MECOM: variants seen among roughly 807,000 people sequenced by gnomAD.
The protein encoded by MECOM is MDS1 and EVI1 complex locus.
In MECOM, 13 loss-of-function variants were observed where a neutral mutation model predicts 116.3. The observed-to-expected ratio is 0.11, with a 90% confidence interval of 0.07 to 0.18. MECOM has a LOEUF of 0.18. MECOM is among the 10% of genes least tolerant of loss of function. MECOM has a pLI of 1.00. For synonymous variants in MECOM, 528 were observed against 535.2 expected, an observed-to-expected ratio of 0.99 and a Z score of 0.19; for missense variants, 1,299 against 1,509.0, an observed-to-expected ratio of 0.86 and a Z score of 2.31.
chr3:169,599,334 T>A (rs936303926), intron 1 of MECOM, among the ~76,000 whole-genome samples: 2 of 151,926 alleles, frequency 1.3e-5, no homozygotes, highest in African/African-American at 4.8e-5. Context: ...GCCAACATGG[T>A]GAAACCCCAT....
At chr3:169,146,218 A>AC (rs397737687) in intron 2 of MECOM, 1 of 1,126,314 alleles carries the variant, frequency 8.9e-7, no homozygotes, top group Non-Finnish European at 1.1e-6. Flanking sequence ...AAAAAAAAAA[A>AC]TCCCCACAAT....
chr3:169,336,753 T>C (rs2149783953), intron 2 of MECOM, among the ~76,000 whole-genome samples: 1 of 152,244 alleles, frequency 6.6e-6, no homozygotes, highest in East Asian at 1.9e-4. Context: ...ATTAAAAGCT[T>C]GACAATGCTC....
chr3:169,176,108 GAA>G (rs5854313), intron 2 of MECOM, among the ~76,000 whole-genome samples: 13 of 147,008 alleles, frequency 8.8e-5, no homozygotes, highest in East Asian at 4.0e-4. Context: ...TAGCTGATGA[GAA>G]AAAAAAAACA....
intron 2 of MECOM, among the ~76,000 whole-genome samples, chr3:169,302,793 G>C (rs1487905790): frequency 1.3e-5 from 2 of 151,796 alleles, no homozygotes; most frequent in Non-Finnish European, 2.9e-5. Flanking sequence ...GAACCCAGGA[G>C]ACAGAGATTG....
chr3:169,423,763 C>G (rs949786613), intron 1 of MECOM, among the ~76,000 whole-genome samples: 13 of 152,112 alleles, frequency 8.5e-5, no homozygotes, highest in Admixed American at 5.9e-4. Flanking sequence ...TCCACACTCA[C>G]TAGAAGCTTC....
At chr3:169,205,234 T>C (rs994038610) in intron 2 of MECOM, among the ~76,000 whole-genome samples, 1 of 152,204 alleles carries the variant, frequency 6.6e-6, no homozygotes, top group Non-Finnish European at 1.5e-5. Flanking sequence ...GGGTTTATAA[T>C]GGAAACGCTG....
At chr3:169,495,356 C>T (rs1364432523) in intron 1 of MECOM, among the ~76,000 whole-genome samples, 3 of 152,078 alleles carry the variant, frequency 2.0e-5, no homozygotes, top group Non-Finnish European at 4.4e-5. Flanking sequence ...GAAAGTTTCA[C>T]CACAAATATG....
intron 2 of MECOM, among the ~76,000 whole-genome samples, chr3:169,348,378 C>T (rs965659071): frequency 6.6e-6 from 1 of 151,980 alleles, no homozygotes; most frequent in Non-Finnish European, 1.5e-5. Context: ...CCAGGATCTC[C>T]AAGAAAGGGA....
intron 1 of MECOM, among the ~76,000 whole-genome samples, chr3:169,651,257 T>A (rs1180055459): frequency 6.6e-6 from 1 of 152,252 alleles, no homozygotes; most frequent in Non-Finnish European, 1.5e-5. Flanking sequence ...CTTTTCTGCA[T>A]CTATTGAGAT....
intron 1 of MECOM, among the ~76,000 whole-genome samples, chr3:169,607,113 C>G (rs754092777): frequency 1.3e-5 from 2 of 152,198 alleles, no homozygotes; most frequent in African/African-American, 4.8e-5. Flanking sequence ...TTTTTAGATA[C>G]TTACGGAGGC....
intron 2 of MECOM, among the ~76,000 whole-genome samples, chr3:169,324,220 C>T (rs1357779552): frequency 6.6e-6 from 1 of 152,178 alleles, no homozygotes; most frequent in Non-Finnish European, 1.5e-5. Flanking sequence ...CTCACGATAA[C>T]CCTGGGAGGT....
chr3:169,484,977 T>C (rs1407821298), intron 1 of MECOM, among the ~76,000 whole-genome samples: 1 of 151,592 alleles, frequency 6.6e-6, no homozygotes, highest in Non-Finnish European at 1.5e-5. Context: ...ATTTCTGATC[T>C]TTACTCTTGC....
intron 1 of MECOM, among the ~76,000 whole-genome samples, chr3:169,506,697 T>G (rs1026777099): frequency 6.6e-6 from 1 of 152,248 alleles, no homozygotes; most frequent in Non-Finnish European, 1.5e-5. Context: ...AAGATGCTTC[T>G]CTGTCTTTTC....
chr3:169,257,686 G>A (rs945680126), intron 2 of MECOM, among the ~76,000 whole-genome samples: 6 of 152,140 alleles, frequency 3.9e-5, no homozygotes, highest in Middle Eastern at 3.2e-3. Context: ...AGAAAACTTG[G>A]ATATATAAGT....
intron 1 of MECOM, among the ~76,000 whole-genome samples, chr3:169,554,880 C>T (rs1429370162): frequency 3.3e-5 from 5 of 152,128 alleles, no homozygotes; most frequent in African/African-American, 4.8e-5. Flanking sequence ...GCAGTGATCC[C>T]GAGAGCAATG....
rs1421478975 is a variant in MECOM, at chr3:169,342,292, G to A, written c.375+38895C>T. The stretch of plus-strand genomic sequence containing the variant: ...AATTTTATTTATATATAAAATATCT[G>A]TTATATTTGGGATTTTTGAATGGTT... On this transcript the variant is annotated intron_variant, in intron 2 of 16. Transcript: ENST00000651503. Among the ~76,000 whole-genome samples, 19 of 151,856 alleles carry A rather than the reference G, an allele frequency of 1.3e-4. No individual in the cohort carries two copies. In the East Asian group the frequency reaches 3.7e-3, roughly 29 times the overall value.
intron 2 of MECOM, among the ~76,000 whole-genome samples, chr3:169,334,457 A>G (rs1723267222): frequency 6.6e-6 from 1 of 152,172 alleles, no homozygotes; most frequent in South Asian, 2.1e-4. Context: ...TCCTGTTCTC[A>G]TAGATTTTAA....
Position 169,647,585 on chromosome 3 carries a change from G to T in MECOM, c.37+15751C>A, listed in dbSNP as rs140415921. 1.6e-3 allele frequency among the ~76,000 whole-genome samples: 242 copies of T among 152,242 alleles called. 1 individual carries two copies. Among genetic ancestry groups the T allele is most frequent in the African/African-American group, 5.7e-3 (235 of 41,524 alleles). On this transcript the variant is annotated intron_variant, in intron 1 of 16. Transcript: ENST00000651503. ...AAAATATGCATCTGGAACAAATATT[G>T]TGCTCTAAGGGATTAAAACTGAAAA...
intron 1 of MECOM, among the ~76,000 whole-genome samples, chr3:169,470,953 T>TTTTG (rs944835049): frequency 1.3e-5 from 2 of 152,136 alleles, no homozygotes; most frequent in Non-Finnish European, 2.9e-5. Context: ...TTGTTTGTTG[T>TTTTG]TTTGTTTGTT....
Sources: allele counts gnomAD v4.1 joint callset (sites outside exome capture counted in the v4.1 genomes callset), GRCh38; gene constraint gnomAD v4.1.1; transcripts MANE v1.5; gene names NCBI Gene and HGNC (gene_info 2026-07-23, HGNC 2026-07-21).